The following DGKB variants were observed in gnomAD, a reference collection of about 807,000 sequenced individuals.
DGKB encodes 90 kDa diacylglycerol kinase.
A neutral mutation model predicts 114.3 loss-of-function variants in DGKB; 67 were observed. That is an observed-to-expected ratio of 0.59 (90% CI 0.48 to 0.72). The LOEUF is 0.72. DGKB is among the 30% of genes least tolerant of loss of function. The pLI, the probability that DGKB is intolerant of heterozygous loss-of-function variation, is 0.00. For missense variants in DGKB, 907 were observed against 975.2 expected (o/e 0.93, Z 0.93); for synonymous variants, 398 against 323.1 (o/e 1.23, Z -2.49).
chr7:14,779,519 G>GA (rs1200994036), intron 2 of DGKB, among the ~76,000 whole-genome samples: 1 of 151,502 alleles, frequency 6.6e-6, no homozygotes, highest in Non-Finnish European at 1.5e-5. Context: ...CTGGGCAACA[G>GA]AAAAAAAAGA....
Position 14,911,415 on chromosome 7 carries a change from T to G in DGKB, c.-188+63281A>C, listed in dbSNP as rs141964891. ...TAGGATAATTAATTATACAGTATATTTATTATTTTAAATATTTTTCAATGT... is the reference window on the plus strand; with the variant it reads ...TAGGATAATTAATTATACAGTATATGTATTATTTTAAATATTTTTCAATGT... On this transcript the variant is annotated intron_variant, in intron 1 of 4. Transcript: ENST00000437998. Among the ~76,000 whole-genome samples, 120 of 152,144 alleles carry G rather than the reference T, an allele frequency of 7.9e-4. 1 individual carries two copies. In the East Asian group the frequency reaches 0.015, roughly 19 times the overall value.
chr7:14,841,142 T>C (rs1295748396), intron 2 of DGKB, 52 bp downstream of exon 2: 2 of 1,451,500 alleles, frequency 1.4e-6, no homozygotes, highest in Admixed American at 1.9e-5. Context: ...TAAATGATAC[T>C]TTGTCTAGCA....
At chr7:14,545,165 T>C (rs568485398) in intron 20 of DGKB, among the ~76,000 whole-genome samples, 1 of 152,146 alleles carries the variant, frequency 6.6e-6, no homozygotes, top group South Asian at 2.1e-4. Flanking sequence ...GTGATAACGA[T>C]TAAGGCACCC....
At chr7:14,520,147 T>C (rs1044162456) in intron 20 of DGKB, among the ~76,000 whole-genome samples, 2 of 151,628 alleles carry the variant, frequency 1.3e-5, no homozygotes, top group Non-Finnish European at 3.0e-5. Flanking sequence ...TTTCCTCATA[T>C]TTTTTCCAGA....
At chr7:14,611,966 C>T (rs1272938208) in intron 16 of DGKB, among the ~76,000 whole-genome samples, 1 of 151,414 alleles carries the variant, frequency 6.6e-6, no homozygotes, top group African/African-American at 2.4e-5. Context: ...AGCTAACTGA[C>T]TGTAAATAGT....
intron 17 of DGKB, among the ~76,000 whole-genome samples, chr7:14,600,651 G>A (rs1001882612): frequency 6.6e-6 from 1 of 152,134 alleles, no homozygotes; most frequent in African/African-American, 2.4e-5. Flanking sequence ...ATTGAAAAGG[G>A]ATAAATAGGA....
chr7:14,529,681 T>C (rs1283761799), intron 20 of DGKB, among the ~76,000 whole-genome samples: 1 of 151,812 alleles, frequency 6.6e-6, no homozygotes, highest in Non-Finnish European at 1.5e-5. Flanking sequence ...TAAACTTGAT[T>C]ACTTTCAAAT....
At chr7:14,869,866 C>T (rs957571665) in intron 1 of DGKB, among the ~76,000 whole-genome samples, 4 of 152,114 alleles carry the variant, frequency 2.6e-5, no homozygotes, top group South Asian at 2.1e-4. Flanking sequence ...AGAGATGACT[C>T]GCTAATGCTC....
intron 20 of DGKB, among the ~76,000 whole-genome samples, chr7:14,493,493 T>C (rs1784869513): frequency 6.6e-6 from 1 of 152,102 alleles, no homozygotes; most frequent in Admixed American, 6.6e-5. Flanking sequence ...TCTTGTACTG[T>C]AGTCACCCTA....
intron 1 of DGKB, among the ~76,000 whole-genome samples, chr7:14,842,578 A>G (rs774346430): frequency 3.9e-5 from 6 of 152,172 alleles, no homozygotes; most frequent in Admixed American, 2.0e-4. Flanking sequence ...ATGCAATGAC[A>G]ATTGTGGACA....
chr7:14,433,672 G>A (rs987798734), intron 21 of DGKB, among the ~76,000 whole-genome samples: 3 of 152,064 alleles, frequency 2.0e-5, no homozygotes, highest in Non-Finnish European at 4.4e-5. Context: ...TGGACAGATT[G>A]AGGAAAACAA....
At chr7:14,274,089 T>A (rs999053517) in intron 23 of DGKB, among the ~76,000 whole-genome samples, 1 of 152,210 alleles carries the variant, frequency 6.6e-6, no homozygotes, top group African/African-American at 2.4e-5. Context: ...ATAAGTTGCT[T>A]TGCTCAACTG....
At chr7:14,893,657 TGAAA>T (rs943769915) in intron 1 of DGKB, among the ~76,000 whole-genome samples, 2 of 151,342 alleles carry the variant, frequency 1.3e-5, no homozygotes, top group Admixed American at 6.6e-5. Context: ...CTTGAATAAA[TGAAA>T]GAAATACTCG....
At chr7:14,961,506 A>C (rs1019314986) in intron 1 of DGKB, among the ~76,000 whole-genome samples, 2 of 152,206 alleles carry the variant, frequency 1.3e-5, no homozygotes, top group Admixed American at 6.5e-5. Flanking sequence ...GCCTATGGAG[A>C]TGCAAGGGAG....
intron 1 of DGKB, among the ~76,000 whole-genome samples, chr7:14,866,667 C>T (rs1312125975): frequency 6.6e-6 from 1 of 152,034 alleles, no homozygotes; most frequent in African/African-American, 2.4e-5. Context: ...CAAGTTTTGG[C>T]AATTATTAAT....
chr7:14,241,987 CAT>C (rs754121143), intron 23 of DGKB, among the ~76,000 whole-genome samples: 7 of 150,250 alleles, frequency 4.7e-5, no homozygotes, highest in African/African-American at 4.9e-5. Context: ...CACACACACA[CAT>C]ATATATATAC....
intron 21 of DGKB, among the ~76,000 whole-genome samples, chr7:14,355,145 C>T (rs1814199426): frequency 1.3e-5 from 2 of 152,064 alleles, no homozygotes; most frequent in African/African-American, 4.8e-5. Context: ...CTCCCTCTCT[C>T]CCCCTCCCTC....
At chr7:14,665,731 C>T (rs1015513726) in intron 13 of DGKB, among the ~76,000 whole-genome samples, 1 of 151,924 alleles carries the variant, frequency 6.6e-6, no homozygotes, top group African/African-American at 2.4e-5. Context: ...ATAAAAGCCC[C>T]TCCAAAACTG....
intron 20 of DGKB, among the ~76,000 whole-genome samples, chr7:14,556,342 T>C (rs1460305542): frequency 6.6e-6 from 1 of 152,114 alleles, no homozygotes. Flanking sequence ...TTAGTATTTA[T>C]TACATTGCTT....
Sources: gnomAD v4.1 joint callset for allele counts (sites outside exome capture counted in the v4.1 genomes callset) on GRCh38, gnomAD v4.1.1 for gene constraint, MANE v1.5 for transcripts, NCBI Gene and HGNC (gene_info 2026-07-23, HGNC 2026-07-21) for gene names.